The following EPB41 variants were observed in gnomAD, a reference collection of about 807,000 sequenced individuals.
EPB41 encodes the protein protein 4.1.
Under a neutral mutation model 108.0 loss-of-function variants are expected in EPB41, and 65 were observed. That is an observed-to-expected ratio of 0.60 (90% CI 0.49 to 0.74). EPB41 has a LOEUF of 0.74. Among genes scored for constraint, EPB41 ranks in the 30% least tolerant of loss-of-function variants. The probability of loss-of-function intolerance (pLI) is 0.00; values close to 1 mark genes in which losing one functional copy is unlikely to be tolerated. For synonymous variants in EPB41, 336 were observed against 358.9 expected (o/e 0.94, Z 0.72); for missense variants, 875 against 1,037.0 (o/e 0.84, Z 2.15).
At chr1:28,970,861 T>C (rs1205988552) in intron 1 of EPB41, among the ~76,000 whole-genome samples, 1 of 152,222 alleles carries the variant, frequency 6.6e-6, no homozygotes, top group Non-Finnish European at 1.5e-5. Flanking sequence ...TTACTCTCTT[T>C]TTTTGGAGAT....
chr1:28,918,424 C>T (rs1179670363), intron 1 of EPB41, among the ~76,000 whole-genome samples: 1 of 152,128 alleles, frequency 6.6e-6, no homozygotes, highest in Non-Finnish European at 1.5e-5. Flanking sequence ...GGATTCATTG[C>T]TACCTCTATA....
chr1:28,903,439 C>T (rs2091492541), intron 1 of EPB41, among the ~76,000 whole-genome samples: 1 of 151,562 alleles, frequency 6.6e-6, no homozygotes, highest in Non-Finnish European at 1.5e-5. Context: ...ATTCTCCTGC[C>T]TCAGCCTCTT....
intron 6 of EPB41, among the ~76,000 whole-genome samples, chr1:29,016,342 A>ATTTT (rs11362146): frequency 7.4e-6 from 1 of 135,776 alleles, no homozygotes. Context: ...CGCCCTGCTA[A>ATTTT]TTTTTTTTTT....
chr1:29,068,993 C>T (rs926476469), intron 16 of EPB41, among the ~76,000 whole-genome samples: 3 of 152,142 alleles, frequency 2.0e-5, no homozygotes, highest in African/African-American at 7.2e-5. Flanking sequence ...CTTATTTCGG[C>T]GCATGGCTGG....
intron 16 of EPB41, among the ~76,000 whole-genome samples, chr1:29,078,178 C>A (rs902240287): frequency 1.4e-4 from 21 of 152,060 alleles, no homozygotes. Flanking sequence ...AAAATTGCAC[C>A]ACTGCACTCC....
At chr1:29,056,229 G>C (rs1221345779) in intron 12 of EPB41, among the ~76,000 whole-genome samples, 1 of 134,496 alleles carries the variant, frequency 7.4e-6, no homozygotes, top group Non-Finnish European at 1.5e-5. Context: ...ACGAGACTCC[G>C]TCTCAAAAAA....
chr1:29,091,272 T>TTC (rs982327994), intron 16 of EPB41, among the ~76,000 whole-genome samples: 76 of 152,320 alleles, frequency 5.0e-4, no homozygotes, highest in African/African-American at 1.8e-3. Flanking sequence ...TTAATCAGCC[T>TTC]TCTCAGTTGT....
upstream of EPB41, chr1:28,911,203 C>G: frequency 1.0e-6 from 1 of 982,716 alleles, no homozygotes; most frequent in Non-Finnish European, 1.2e-6. Flanking sequence ...GGCACTTAGC[C>G]TAACAACTGA....
intron 1 of EPB41, chr1:28,893,746 C>T (rs1252487232): frequency 6.6e-6 from 1 of 152,576 alleles, no homozygotes; most frequent in East Asian, 1.9e-4. Context: ...TGCTGTGTGT[C>T]TCACTGCTGT....
At chr1:29,067,074 G>A (rs1040255733) in intron 16 of EPB41, among the ~76,000 whole-genome samples, 1 of 151,526 alleles carries the variant, frequency 6.6e-6, no homozygotes, top group African/African-American at 2.4e-5. Flanking sequence ...TGGTTCACAG[G>A]CCGGGCTTGG....
rs554057108 is a variant in EPB41, at chr1:28,972,022, C to T, written c.-7-15409C>T. 1.0e-3 allele frequency among the ~76,000 whole-genome samples: 154 copies of T among 152,132 alleles called. 2 individuals carry two copies. Among genetic ancestry groups the T allele is most frequent in the Non-Finnish European group, 2.0e-3 (134 of 67,982 alleles). Reference sequence around the variant, plus strand: ...TGATCCTCCCACCTCAGGCTCACCACCCCATACCCACCCCTACCCTGCCCC... The same window carrying T: ...TGATCCTCCCACCTCAGGCTCACCATCCCATACCCACCCCTACCCTGCCCC... On this transcript the variant is annotated intron_variant, in intron 1 of 20. Coordinates refer to ENST00000343067, the MANE Select transcript of EPB41 (RefSeq NM_001376013.1).
chr1:28,947,461 TCTCTTGA>T (rs2094530999), intron 1 of EPB41, among the ~76,000 whole-genome samples: 1 of 151,540 alleles, frequency 6.6e-6, no homozygotes, highest in Non-Finnish European at 1.5e-5. Context: ...GGCCTTTTAA[TCTCTTGA>T]GGGCAAATGG....
intron 18 of EPB41, 114 bp downstream of exon 18, chr1:29,109,551 G>C (rs1436069403): frequency 1.2e-6 from 1 of 838,186 alleles, no homozygotes; most frequent in African/African-American, 1.7e-5. Flanking sequence ...TCCATCCCTA[G>C]TAAGCCACAT....
chr1:29,000,220 T>C (rs2096268942), intron 4 of EPB41, among the ~76,000 whole-genome samples: 1 of 152,198 alleles, frequency 6.6e-6, no homozygotes, highest in Non-Finnish European at 1.5e-5. Flanking sequence ...TGCCTCAGCC[T>C]CCCAAGTAGC....
intron 1 of EPB41, among the ~76,000 whole-genome samples, chr1:28,906,236 A>G (rs1218904528): frequency 6.6e-6 from 1 of 152,096 alleles, no homozygotes; most frequent in Admixed American, 6.6e-5. Flanking sequence ...GCAGCTTTGG[A>G]GGGTCTTGGA....
intron 16 of EPB41, among the ~76,000 whole-genome samples, chr1:29,094,646 G>T (rs764463477): frequency 5.9e-5 from 9 of 152,104 alleles, no homozygotes; most frequent in African/African-American, 9.7e-5. Context: ...GGCATTCCTA[G>T]GTGTTTTATT....
intron 1 of EPB41, among the ~76,000 whole-genome samples, chr1:28,888,554 G>A (rs1440321893): frequency 4.6e-5 from 7 of 152,260 alleles, no homozygotes; most frequent in Non-Finnish European, 8.8e-5. Flanking sequence ...AAGGCTCTCC[G>A]GGGTGTCAGA....
chr1:29,000,179 A>G (rs1285979821), intron 4 of EPB41, among the ~76,000 whole-genome samples: 1 of 150,806 alleles, frequency 6.6e-6, no homozygotes, highest in Non-Finnish European at 1.5e-5. Context: ...GCTCACTGCA[A>G]TCTCCACCTC....
At position 29,117,257 on chromosome 1, in the gene EPB41, T is replaced by A. The variant is rs986130536; in HGVS notation, c.*445T>A. ...ACTTCCGCGTCTCTCCCTAGTCTTA[T>A]CCCCTTTGGATGATGGCAGAAACTT... On this transcript the variant is annotated 3_prime_UTR_variant, in exon 21 of 21. Coordinates refer to ENST00000343067, the MANE Select transcript of EPB41 (RefSeq NM_001376013.1). The A allele has an allele frequency of 6.5e-6, 1 of 152,678 alleles. No homozygotes were observed. The highest frequency in any genetic ancestry group is 1.5e-5 in the Non-Finnish European group (1 of 68,078). The allele number at this position is 152,678 out of a possible 1,614,324, so 9.5% of individuals were successfully genotyped here.
Sources: gnomAD v4.1 joint callset for allele counts (sites outside exome capture counted in the v4.1 genomes callset) on GRCh38, gnomAD v4.1.1 for gene constraint, MANE v1.5 for transcripts, NCBI Gene and HGNC (gene_info 2026-07-23, HGNC 2026-07-21) for gene names.